The following STRIP2 variants were observed in gnomAD, a reference collection of about 807,000 sequenced individuals.
STRIP2 encodes the protein striatin-interacting protein 2.
Under a neutral mutation model 107.1 loss-of-function variants are expected in STRIP2, and 84 were observed. That is an observed-to-expected ratio of 0.78 (90% confidence interval 0.66 to 0.94). STRIP2 has a LOEUF of 0.94. Ranked by LOEUF, STRIP2 falls within the 40% of genes least tolerant of loss-of-function variation. STRIP2 has a pLI of 0.00. For missense variants in STRIP2, 888 were observed against 1,034.2 expected, an observed-to-expected ratio of 0.86 and a Z score of 1.94; for synonymous variants, 394 against 400.4, an observed-to-expected ratio of 0.98 and a Z score of 0.19.
rs371261391 is a variant in STRIP2, at chr7:129,435,772, TATC to T, written c.129+1194_129+1196del. On this transcript the variant is annotated intron_variant, in intron 1 of 20. Transcript: ENST00000249344. ...TACATAGTAACTCTTAGTATATTGC[TATC>T]ATCATCATCATCATCATCATCAAGT... Among the ~76,000 whole-genome samples, 1,356 of 152,124 alleles carry T rather than the reference TATC, an allele frequency of 8.9e-3. 12 individuals are homozygous for T. The highest frequency in any genetic ancestry group is 0.02 in the Admixed American group (309 of 15,292).
rs1003360808 is a variant in STRIP2 at position 129,442,608 on chromosome 7, C to T, written c.200-1416C>T. Among the ~76,000 whole-genome samples, 2 of 152,146 alleles carry T rather than the reference C, an allele frequency of 1.3e-5. 1 individual carries two copies. Among genetic ancestry groups the T allele is most frequent in the South Asian group, 4.1e-4 (2 of 4,822 alleles). On this transcript the variant is annotated intron_variant, in intron 2 of 20. Transcript: ENST00000249344. ...AAATAAAAAGACCAAGACTAAAGTT[C>T]AGTACCTAAGAGCCTTGCCCACTTT...
intron 17 of STRIP2, 71 bp from the exon 18 acceptor site, chr7:129,470,578 C>T: frequency 7.8e-7 from 1 of 1,278,984 alleles, no homozygotes; most frequent in Non-Finnish European, 1.1e-6. Context: ...TAACTCCTGC[C>T]CTTTCCAGAT....
rs186996504 is a variant in STRIP2, at chr7:129,475,080, A to G, written c.1944+4365A>G. 4.2e-4 allele frequency among the ~76,000 whole-genome samples: 64 copies of G among 152,324 alleles called. 1 individual carries two copies. Among genetic ancestry groups the G allele is most frequent in the Admixed American group, 3.8e-3 (58 of 15,308 alleles). Reference sequence around the variant, plus strand: ...TCGGTATTCATATTCAATCCACTAAACTAGGAAAAAATTGAAATAAAATTC... The same window carrying G: ...TCGGTATTCATATTCAATCCACTAAGCTAGGAAAAAATTGAAATAAAATTC... On this transcript the variant is annotated intron_variant, in intron 18 of 20. Coordinates refer to ENST00000249344, the MANE Select transcript of STRIP2 (RefSeq NM_020704.3).
At position 129,453,351 on chromosome 7, in the gene STRIP2, A is replaced by G; in HGVS notation, c.530+4A>G. On this transcript the variant is annotated splice_donor_region_variant and intron_variant, in intron 5 of 20. Coordinates refer to ENST00000249344, the MANE Select transcript of STRIP2 (RefSeq NM_020704.3). The stretch of plus-strand genomic sequence containing the variant: ...AGCTACTCCACATGGAAATTGAGTG[A>G]GAAGCCTTAGGGGAAGGGCTGGCCT... 6.2e-7 allele frequency: 1 copy of G among 1,614,096 alleles called. No homozygotes were observed. Among genetic ancestry groups the G allele is most frequent in the Non-Finnish European group, 8.5e-7 (1 of 1,179,990 alleles).
intron 3 of STRIP2, 38 bp from the exon 4 acceptor site, chr7:129,451,575 A>G (rs1180551953): frequency 5.0e-6 from 8 of 1,610,302 alleles, no homozygotes; most frequent in African/African-American, 1.3e-5. Flanking sequence ...AAGGGTGGCA[A>G]TAGCTGACAC....
rs1799226895 is a variant in STRIP2 at position 129,485,631 on chromosome 7, C to T, written c.2307C>T (p.Ala769=). ...DFQAEECTLR[A]NIEAFNSRRY... is the part of the protein sequence containing the mutation. Reference sequence around the variant, plus strand: ...AAGCAGAAGAATGTACCTTGAGGGCCAACATTGAGGCTTTTAACAGCCGTC... The same window carrying T: ...AAGCAGAAGAATGTACCTTGAGGGCTAACATTGAGGCTTTTAACAGCCGTC... The change falls in exon 21 of 21, where the codon GCC becomes GCT. Residue 769 remains alanine (A), a synonymous_variant. Transcript: ENST00000249344. 1 of 1,613,752 alleles carries T rather than the reference C, an allele frequency of 6.2e-7. No homozygotes were observed. Among genetic ancestry groups the T allele is most frequent in the African/African-American group, 1.3e-5 (1 of 74,826 alleles).
chr7:129,460,464 T>C (rs1272104866), intron 13 of STRIP2, 92 bp downstream of exon 13: 2 of 1,030,054 alleles, frequency 1.9e-6, no homozygotes, highest in Non-Finnish European at 3.0e-6. Flanking sequence ...TCATTCAGCA[T>C]ATTAGGCTGT....
At chr7:129,447,498 T>C (rs1798068113) in intron 3 of STRIP2, among the ~76,000 whole-genome samples, 1 of 152,218 alleles carries the variant, frequency 6.6e-6, no homozygotes, top group South Asian at 2.1e-4. Flanking sequence ...TACTTCTTGC[T>C]CACTGGATCC....
intron 18 of STRIP2, among the ~76,000 whole-genome samples, chr7:129,472,472 AAT>A (rs1231998361): frequency 6.6e-6 from 1 of 152,188 alleles, no homozygotes; most frequent in Non-Finnish European, 1.5e-5. Context: ...CTTCCTGAAA[AAT>A]AGTCATGCTA....
intron 9 of STRIP2, among the ~76,000 whole-genome samples, chr7:129,456,956 T>C (rs1034273053): frequency 6.6e-6 from 1 of 152,138 alleles, no homozygotes; most frequent in Non-Finnish European, 1.5e-5. Context: ...GGTATAATCC[T>C]GGGGATAGGG....
chr7:129,466,038 T>C (rs1006081935), intron 16 of STRIP2, among the ~76,000 whole-genome samples: 1 of 152,238 alleles, frequency 6.6e-6, no homozygotes, highest in African/African-American at 2.4e-5. Context: ...TGCCAGTGTT[T>C]GCTGAGCAGC....
At position 129,463,707 on chromosome 7, in the gene STRIP2, C is replaced by T. The variant is rs144255552; in HGVS notation, c.1552-337C>T. Among the ~76,000 whole-genome samples, 725 of 152,296 alleles carry T rather than the reference C, an allele frequency of 4.8e-3. 5 individuals carry two copies. Among genetic ancestry groups the T allele is most frequent in the African/African-American group, 0.016 (675 of 41,558 alleles). On this transcript the variant is annotated intron_variant, in intron 14 of 20. Coordinates refer to ENST00000249344, the MANE Select transcript of STRIP2 (RefSeq NM_020704.3). ...ATGGAGTTTTACCATGTTGGCCAGG[C>T]TGATCTTGAACTTCCAACCTCAAGT...
At chr7:129,473,181 G>A (rs1305537957) in intron 18 of STRIP2, among the ~76,000 whole-genome samples, 1 of 151,886 alleles carries the variant, frequency 6.6e-6, no homozygotes, top group Non-Finnish European at 1.5e-5. Flanking sequence ...AAAGTATGAG[G>A]AAGAAAAATA....
At chr7:129,457,453 A>G (rs1309691173) in intron 9 of STRIP2, among the ~76,000 whole-genome samples, 1 of 152,238 alleles carries the variant, frequency 6.6e-6, no homozygotes, top group Non-Finnish European at 1.5e-5. Context: ...TGTGCAGCAC[A>G]TGACTATAGT....
At position 129,480,882 on chromosome 7, in the gene STRIP2, G is replaced by A. The variant is rs540876294; in HGVS notation, c.2042G>A (p.Arg681Gln). Residue 681 changes from arginine (R) to glutamine (Q), a missense_variant, in exon 19 of 21, where the codon CGG becomes CAG. Physicochemically the swap from Arg to Gln is conservative, Grantham distance 43. Transcript: ENST00000249344. ...AAACTGACCAAATGGAAACATTCCC[G>A]GACCATGGTGAGTGTGGTTTTTTAC... ...LNKLTKWKHS[R>Q]TMMLVVFKSA... is the part of the protein sequence containing the mutation. 23 of 1,610,340 alleles carry A rather than the reference G, an allele frequency of 1.4e-5. No homozygotes were observed. The highest frequency in any genetic ancestry group is 1.1e-4 in the East Asian group (5 of 44,788).
At chr7:129,484,497 ACT>A (rs1394761507) in intron 20 of STRIP2, 1 of 152,080 alleles carries the variant, frequency 6.6e-6, no homozygotes, top group Non-Finnish European at 1.5e-5. Context: ...AGTTCAGATA[ACT>A]CTACTTACTT....
rs1315696860 is a variant in STRIP2 at position 129,456,647 on chromosome 7, G to A, written c.1038+5G>A. 1 of 1,612,954 alleles carries A rather than the reference G, an allele frequency of 6.2e-7. No homozygotes were observed. Among genetic ancestry groups the A allele is most frequent in the Non-Finnish European group, 8.5e-7 (1 of 1,179,470 alleles). ...GGCCGCCGTGGCTCTCGAAGGGTAT[G>A]GACTGAAGCAGACAATGGTATTGGG... On this transcript the variant is annotated splice_donor_5th_base_variant and intron_variant, in intron 9 of 20. Transcript: ENST00000249344.
chr7:129,446,622 T>C (rs1798042620), intron 3 of STRIP2, among the ~76,000 whole-genome samples: 3 of 152,204 alleles, frequency 2.0e-5, no homozygotes, highest in Admixed American at 6.5e-5. Context: ...CAGAACCATC[T>C]GTAAACCAGG....
At chr7:129,437,480 A>G (rs1036455901) in intron 1 of STRIP2, among the ~76,000 whole-genome samples, 10 of 151,962 alleles carry the variant, frequency 6.6e-5, no homozygotes, top group Non-Finnish European at 1.0e-4. Flanking sequence ...ATATCACTGC[A>G]TCACATGCAG....
Sources: allele counts gnomAD v4.1 joint callset (sites outside exome capture counted in the v4.1 genomes callset), GRCh38; gene constraint gnomAD v4.1.1; transcripts MANE v1.5; gene names NCBI Gene and HGNC (gene_info 2026-07-23, HGNC 2026-07-21).